The following CSMD1 variants were observed in gnomAD, a reference collection of about 807,000 sequenced individuals.
CSMD1 encodes the protein CUB and Sushi multiple domains 1, also known as CUB and sushi domain-containing protein 1.
Under a neutral mutation model 417.5 loss-of-function variants are expected in CSMD1, and 213 were observed. The observed-to-expected ratio is 0.51, with a 90% CI of 0.46 to 0.57. CSMD1 has a LOEUF of 0.57. Ranked by LOEUF, CSMD1 falls within the 20% of genes least tolerant of loss-of-function variation. The pLI, the probability that CSMD1 is intolerant of heterozygous loss-of-function variation, is 0.00. For synonymous variants in CSMD1, 2,862 were observed against 1,736.8 expected (o/e 1.65, Z -16.11); for missense variants, 6,923 against 4,529.7 (o/e 1.53, Z -15.17).
At chr8:3,306,970 ATTTTCT>A (rs1321062349) in intron 25 of CSMD1, among the ~76,000 whole-genome samples, 1 of 152,004 alleles carries the variant, frequency 6.6e-6, no homozygotes, top group Non-Finnish European at 1.5e-5. Flanking sequence ...ATTTGCAATG[ATTTTCT>A]TTTATATGTG....
At chr8:4,667,449 A>G (rs1195533437) in intron 1 of CSMD1, among the ~76,000 whole-genome samples, 1 of 152,140 alleles carries the variant, frequency 6.6e-6, no homozygotes, top group African/African-American at 2.4e-5. Flanking sequence ...AGAAAAAAAA[A>G]AAGAAACTGA....
Position 2,961,177 on chromosome 8 carries a change from T to G in CSMD1, c.9666A>C (p.Pro3222=). Residue 3222 remains proline (P), a synonymous_variant, in exon 62 of 70, where the codon CCA becomes CCC. Coordinates refer to ENST00000635120, the MANE Select transcript of CSMD1 (RefSeq NM_033225.6). ...AHNTCPDPGT[P]HFGIQNSSRG... is the part of the protein sequence containing the mutation. Reference sequence around the variant, plus strand: ...TGGAGCTATTCTGTATTCCAAAGTGTGGCGTACCAGGGTCTGGGCAGGTGT... The same window carrying G: ...TGGAGCTATTCTGTATTCCAAAGTGGGGCGTACCAGGGTCTGGGCAGGTGT... 1.9e-6 allele frequency: 3 copies of G among 1,603,690 alleles called. No homozygotes were observed. Among genetic ancestry groups the G allele is most frequent in the Non-Finnish European group, 2.6e-6 (3 of 1,173,342 alleles).
At chr8:3,256,458 T>A (rs1482455916) in intron 26 of CSMD1, among the ~76,000 whole-genome samples, 1 of 152,226 alleles carries the variant, frequency 6.6e-6, no homozygotes, top group African/African-American at 2.4e-5. Flanking sequence ...TTCTCCTAAC[T>A]TTTTATTGAT....
chr8:4,859,857 C>T (rs1481468341), intron 1 of CSMD1, among the ~76,000 whole-genome samples: 1 of 152,094 alleles, frequency 6.6e-6, no homozygotes, highest in East Asian at 1.9e-4. Flanking sequence ...TGTGGCGATT[C>T]CTCAGGGATG....
At chr8:4,950,674 T>A (rs926888412) in intron 1 of CSMD1, among the ~76,000 whole-genome samples, 2 of 152,216 alleles carry the variant, frequency 1.3e-5, no homozygotes, top group East Asian at 3.8e-4. Context: ...GGAAAAAGAA[T>A]TCAGAGTTTA....
chr8:4,428,683 T>C (rs931737020), intron 2 of CSMD1, among the ~76,000 whole-genome samples: 2 of 152,158 alleles, frequency 1.3e-5, no homozygotes, highest in African/African-American at 4.8e-5. Context: ...GTCATATTAA[T>C]AATCCAGGGT....
chr8:4,802,416 T>C (rs1334113781), intron 1 of CSMD1, among the ~76,000 whole-genome samples: 1 of 151,838 alleles, frequency 6.6e-6, no homozygotes, highest in Non-Finnish European at 1.5e-5. Flanking sequence ...TAACTTAACT[T>C]TGGGAATTAA....
chr8:4,637,000 GA>G (rs1348403566), intron 2 of CSMD1, among the ~76,000 whole-genome samples: 8 of 152,170 alleles, frequency 5.3e-5, no homozygotes, highest in African/African-American at 1.9e-4. Flanking sequence ...ACGGAGGACT[GA>G]AAAAAGGGCA....
At chr8:4,546,209 G>T (rs369092274) in intron 2 of CSMD1, among the ~76,000 whole-genome samples, 1 of 152,192 alleles carries the variant, frequency 6.6e-6, no homozygotes, top group Non-Finnish European at 1.5e-5. Flanking sequence ...CTTGGCCCTG[G>T]TCGCACAAGA....
intron 2 of CSMD1, among the ~76,000 whole-genome samples, chr8:4,477,069 C>A (rs1042830767): frequency 6.6e-6 from 1 of 152,192 alleles, no homozygotes; most frequent in African/African-American, 2.4e-5. Context: ...GCAGCTGTGT[C>A]AGGGAGAGGG....
At chr8:4,216,668 G>C (rs1299837870) in intron 3 of CSMD1, among the ~76,000 whole-genome samples, 6 of 152,212 alleles carry the variant, frequency 3.9e-5, no homozygotes, top group Non-Finnish European at 8.8e-5. Context: ...ACTGAGTGAA[G>C]GGAAGCTTCT....
At chr8:3,678,564 G>C (rs1447387456) in intron 7 of CSMD1, among the ~76,000 whole-genome samples, 6 of 152,188 alleles carry the variant, frequency 3.9e-5, no homozygotes, top group African/African-American at 9.6e-5. Flanking sequence ...TGTCTGATTG[G>C]TGTACCTGAG....
At chr8:3,444,056 G>C (rs1171500646) in intron 12 of CSMD1, among the ~76,000 whole-genome samples, 1 of 152,026 alleles carries the variant, frequency 6.6e-6, no homozygotes, top group Non-Finnish European at 1.5e-5. Context: ...ATGAAATCTT[G>C]TCTCTTTGTT....
At position 4,113,390 on chromosome 8, in the gene CSMD1, CTTTTTTTTTTTTTT is replaced by C. The variant is rs59647790; in HGVS notation, c.416-81305_416-81292del. Among the ~76,000 whole-genome samples, 9 of 81,202 alleles carry C rather than the reference CTTTTTTTTTTTTTT, an allele frequency of 1.1e-4. No homozygotes were observed. In the East Asian group the frequency reaches 2.7e-3, roughly 24 times the overall value. 53.3% of individuals were successfully genotyped at this position (81,202 alleles called of 152,430 possible). Reference sequence around the variant, plus strand: ...ATGTTCTTCAAGGAAAATAAAAGGGCTTTTTTTTTTTTTTTTTTTTTTTTTTTTAAATGAGACAG... The same window carrying C: ...ATGTTCTTCAAGGAAAATAAAAGGGCTTTTTTTTTTTTTTAAATGAGACAG... On this transcript the variant is annotated intron_variant, in intron 3 of 69. Coordinates refer to ENST00000635120, the MANE Select transcript of CSMD1 (RefSeq NM_033225.6).
chr8:4,222,009 C>A (rs146397473), intron 3 of CSMD1, among the ~76,000 whole-genome samples: 222 of 151,616 alleles, frequency 1.5e-3, no homozygotes, highest in African/African-American at 5.2e-3. Flanking sequence ...CCCTACACCA[C>A]ATAAACCTGT....
chr8:4,148,280 A>G (rs921078835), intron 3 of CSMD1, among the ~76,000 whole-genome samples: 1 of 149,532 alleles, frequency 6.7e-6, no homozygotes, highest in Non-Finnish European at 1.5e-5. Flanking sequence ...AAAAAACCAA[A>G]CACCACATGT....
intron 33 of CSMD1, among the ~76,000 whole-genome samples, chr8:3,190,841 G>A (rs951024200): frequency 1.3e-5 from 2 of 152,328 alleles, no homozygotes; most frequent in East Asian, 3.9e-4. Context: ...ATCGTGCTAA[G>A]TGAAATAAGC....
At chr8:3,717,700 A>C (rs1218811277) in intron 6 of CSMD1, among the ~76,000 whole-genome samples, 1 of 152,196 alleles carries the variant, frequency 6.6e-6, no homozygotes, top group Admixed American at 6.5e-5. Context: ...GAAGACACTT[A>C]ATATTGGTAG....
chr8:3,905,960 G>T (rs1037666039), intron 5 of CSMD1, among the ~76,000 whole-genome samples: 1 of 152,124 alleles, frequency 6.6e-6, no homozygotes, highest in African/African-American at 2.4e-5. Flanking sequence ...CATACCTTTT[G>T]ATTTTATCAA....
Sources: allele counts gnomAD v4.1 joint callset (sites outside exome capture counted in the v4.1 genomes callset), GRCh38; gene constraint gnomAD v4.1.1; transcripts MANE v1.5; gene names NCBI Gene and HGNC (gene_info 2026-07-23, HGNC 2026-07-21).